Variants in PLPPR5 observed in about 807,000 individuals in gnomAD.
PLPPR5 encodes phospholipid phosphatase-related protein type 5.
In PLPPR5, 16 loss-of-function variants were observed where a neutral mutation model predicts 33.9. That is an observed-to-expected ratio of 0.47 (90% CI 0.32 to 0.72). The LOEUF is 0.72. PLPPR5 is among the 30% of genes least tolerant of loss of function. The pLI, the probability that PLPPR5 is intolerant of heterozygous loss-of-function variation, is 0.03. For synonymous variants in PLPPR5, 163 were observed against 150.3 expected (o/e 1.08, Z -0.62); for missense variants, 301 against 406.7 (o/e 0.74, Z 2.23).
intron 2 of PLPPR5, among the ~76,000 whole-genome samples, chr1:98,955,574 A>G (rs1650974399): frequency 6.6e-6 from 1 of 152,100 alleles, no homozygotes; most frequent in Non-Finnish European, 1.5e-5. Flanking sequence ...TGATGTCAGT[A>G]AAAATAACAA....
intron 3 of PLPPR5, among the ~76,000 whole-genome samples, chr1:98,947,912 C>T (rs546990073): frequency 3.9e-4 from 60 of 152,318 alleles, no homozygotes; most frequent in African/African-American, 1.4e-3. Flanking sequence ...GCTTGTTTGA[C>T]ATTTAGAGCA....
At chr1:98,916,083 C>T (rs1252331996) in intron 4 of PLPPR5, among the ~76,000 whole-genome samples, 1 of 152,074 alleles carries the variant, frequency 6.6e-6, no homozygotes, top group East Asian at 1.9e-4. Flanking sequence ...CACTGAAAAG[C>T]CTTTTCTTTC....
chr1:98,961,435 G>C (rs1047903119), intron 1 of PLPPR5, among the ~76,000 whole-genome samples: 8 of 152,206 alleles, frequency 5.3e-5, no homozygotes, highest in African/African-American at 1.9e-4. Flanking sequence ...CTTGAAGGCA[G>C]AGGCACAGTA....
At chr1:98,981,612 TCTGA>T in intron 1 of PLPPR5, among the ~76,000 whole-genome samples, 1 of 152,210 alleles carries the variant, frequency 6.6e-6, no homozygotes, top group South Asian at 2.1e-4. Flanking sequence ...TTCTTCTATC[TCTGA>T]CTATCTAGAA....
intron 1 of PLPPR5, among the ~76,000 whole-genome samples, chr1:98,991,930 C>T (rs1652465077): frequency 6.6e-6 from 1 of 152,204 alleles, no homozygotes; most frequent in African/African-American, 2.4e-5. Context: ...CACGTACTTG[C>T]CTGCCTGTCA....
chr1:99,001,133 CTTTTTTT>C (rs72190147), intron 1 of PLPPR5, among the ~76,000 whole-genome samples: 2 of 134,894 alleles, frequency 1.5e-5, no homozygotes, highest in Non-Finnish European at 3.2e-5. Context: ...GTTCCCAACT[CTTTTTTT>C]TTTTTTTTTT....
intron 4 of PLPPR5, among the ~76,000 whole-genome samples, chr1:98,917,890 T>A (rs1570696088): frequency 6.6e-6 from 1 of 152,202 alleles, no homozygotes; most frequent in Non-Finnish European, 1.5e-5. Context: ...CAGTGAGGGA[T>A]CAGATTAATG....
chr1:98,897,312 C>G (rs1648516979), intron 5 of PLPPR5, among the ~76,000 whole-genome samples: 1 of 152,174 alleles, frequency 6.6e-6, no homozygotes, highest in African/African-American at 2.4e-5. Flanking sequence ...AGCTGAAGAG[C>G]CTGGCAAGAC....
intron 3 of PLPPR5, among the ~76,000 whole-genome samples, chr1:98,934,856 A>C (rs1487357104): frequency 6.6e-6 from 1 of 152,166 alleles, no homozygotes; most frequent in African/African-American, 2.4e-5. Context: ...AGGGAACAGG[A>C]GAAGAAGAGT....
chr1:98,967,823 CTT>C (rs1651504103), intron 1 of PLPPR5, among the ~76,000 whole-genome samples: 1 of 152,032 alleles, frequency 6.6e-6, no homozygotes, highest in Admixed American at 6.6e-5. Flanking sequence ...CCTGAAGGCT[CTT>C]TCTAAGTCGT....
Position 99,004,725 on chromosome 1 carries a change from GC to G in PLPPR5, c.-55del. The stretch of plus-strand genomic sequence containing the variant: ...GCCGAGCGGGCGGTCGACGCGGTGG[GC>G]CCCCTCCCCGGTCCGCCGAGGCAGC... On this transcript the variant is annotated 5_prime_UTR_variant, in exon 1 of 6. Coordinates refer to ENST00000263177, the MANE Select transcript of PLPPR5 (RefSeq NM_001037317.2). The G allele has an allele frequency of 8.0e-7, 1 of 1,242,384 alleles. No individual in the cohort carries two copies. The highest frequency in any genetic ancestry group is 2.6e-5 in the South Asian group (1 of 38,572). The allele number at this position is 1,242,384 out of a possible 1,614,324, so 77.0% of individuals were successfully genotyped here. A position where few individuals can be genotyped will look rare whatever the true frequency, so the allele number is the denominator to read the frequency against.
chr1:98,909,527 T>C (rs1649042459), intron 5 of PLPPR5, among the ~76,000 whole-genome samples: 5 of 151,866 alleles, frequency 3.3e-5, no homozygotes, highest in Admixed American at 3.3e-4. Context: ...AAATAATAAT[T>C]ATAGTTATGA....
intron 3 of PLPPR5, among the ~76,000 whole-genome samples, chr1:98,941,396 GTGCA>G (rs1382616692): frequency 6.6e-6 from 1 of 151,734 alleles, no homozygotes; most frequent in Non-Finnish European, 1.5e-5. Context: ...GAGAGTGAGT[GTGCA>G]TATGTGTGTT....
At chr1:98,983,322 G>A (rs1243299859) in intron 1 of PLPPR5, among the ~76,000 whole-genome samples, 11 of 135,300 alleles carry the variant, frequency 8.1e-5, no homozygotes, top group Non-Finnish European at 1.6e-4. Context: ...CCACCTATGA[G>A]TGAGAATATG....
chr1:98,970,365 G>A (rs1651614965), intron 1 of PLPPR5, among the ~76,000 whole-genome samples: 1 of 151,960 alleles, frequency 6.6e-6, no homozygotes, highest in Non-Finnish European at 1.5e-5. Context: ...AGGAAAAGGT[G>A]CAATTATAAT....
intron 1 of PLPPR5, among the ~76,000 whole-genome samples, chr1:99,001,779 A>G (rs1652861247): frequency 6.7e-6 from 1 of 149,524 alleles, no homozygotes; most frequent in Non-Finnish European, 1.5e-5. Flanking sequence ...ACGATTCATG[A>G]GCGAATTGAA....
chr1:98,910,133 C>T (rs1649067681), intron 5 of PLPPR5, among the ~76,000 whole-genome samples: 1 of 152,252 alleles, frequency 6.6e-6, no homozygotes, highest in Non-Finnish European at 1.5e-5. Context: ...AAACGAAACC[C>T]TTTGCCTTCT....
At chr1:98,946,901 T>C (rs575323815) in intron 3 of PLPPR5, among the ~76,000 whole-genome samples, 33 of 152,314 alleles carry the variant, frequency 2.2e-4, no homozygotes, top group African/African-American at 7.7e-4. Context: ...ATAACATTTA[T>C]ATATTATTTT....
intron 1 of PLPPR5, among the ~76,000 whole-genome samples, chr1:98,958,717 CTA>C (rs1362095138): frequency 1.3e-5 from 2 of 152,174 alleles, no homozygotes; most frequent in African/African-American, 4.8e-5. Flanking sequence ...TTCTCATGTC[CTA>C]CCTCCTCTTC....
Sources: allele counts gnomAD v4.1 joint callset (sites outside exome capture counted in the v4.1 genomes callset), GRCh38; gene constraint gnomAD v4.1.1; transcripts MANE v1.5; gene names NCBI Gene and HGNC (gene_info 2026-07-23, HGNC 2026-07-21).